Variants in STX11 observed in about 807,000 individuals in gnomAD.
STX11 encodes syntaxin 11.
In STX11, 21 loss-of-function variants were observed where a neutral mutation model predicts 19.9. The observed-to-expected ratio is 1.06, with a 90% CI of 0.75 to 1.52. STX11 has a LOEUF of 1.52. Among genes scored for constraint, STX11 ranks in the 40% most tolerant of loss-of-function variants. STX11 has a pLI of 0.00. For synonymous variants in STX11, 193 were observed against 174.4 expected (o/e 1.11, Z -0.84); for missense variants, 438 against 405.9 (o/e 1.08, Z -0.68).
At chr6:144,142,045 G>T in the STX11 span, among the ~76,000 whole-genome samples, 4 of 151,302 alleles carry the variant, frequency 2.6e-5, no homozygotes, top group African/African-American at 9.7e-5. Flanking sequence ...TTTTTGTGTT[G>T]CACACTAGTA....
intron 1 of STX11, among the ~76,000 whole-genome samples, chr6:144,156,715 A>T (rs1438482625): frequency 2.0e-5 from 3 of 152,198 alleles, no homozygotes; most frequent in African/African-American, 7.2e-5. Context: ...ATTTGAGATA[A>T]GTAGGACATA....
chr6:144,187,614 G>C lies in STX11; in HGVS notation c.*123G>C, dbSNP rs531277188. The C allele has an allele frequency of 5.1e-5, 63 of 1,231,046 alleles. No homozygotes were observed. Among genetic ancestry groups the C allele is most frequent in the East Asian group, 5.6e-5 (2 of 35,942 alleles). The allele number at this position is 1,231,046 out of a possible 1,614,324, so 76.3% of individuals were successfully genotyped here. On this transcript the variant is annotated 3_prime_UTR_variant, in exon 2 of 2. Transcript: ENST00000367568. The surrounding 1 kb of genome is among the most constrained non-coding windows in gnomAD (Gnocchi z 5.6). ...AACCCTTTCCGGAACTCAGTCTTTA[G>C]AAAAGAAACGCCAGGTTCAAGAATT...
Position 144,176,313 on chromosome 6 carries a change from C to A in STX11, c.-5-10310C>A, listed in dbSNP as rs1372902638. Among the ~76,000 whole-genome samples the A allele has an allele frequency of 6.6e-6, 1 of 152,140 alleles. No homozygotes were observed. The highest frequency in any genetic ancestry group is 1.5e-5 in the Non-Finnish European group (1 of 68,028). Reference sequence around the variant, plus strand: ...CCTGGACAGATGTGAGTTTAAATCCCAGACTTCTCTCTTACTCACTGGGTG... The same window carrying A: ...CCTGGACAGATGTGAGTTTAAATCCAAGACTTCTCTCTTACTCACTGGGTG... On this transcript the variant is annotated intron_variant, in intron 1 of 1. Coordinates refer to ENST00000367568, the MANE Select transcript of STX11 (RefSeq NM_003764.4). The surrounding 1 kb of genome is among the most constrained non-coding windows in gnomAD (Gnocchi z 4.1).
rs1489938066 is a variant in STX11, at chr6:144,155,415, T to A, written c.-6+4712T>A. 6.6e-6 allele frequency among the ~76,000 whole-genome samples: 1 copy of A among 152,192 alleles called. No homozygotes were observed. On this transcript the variant is annotated intron_variant, in intron 1 of 1. Transcript: ENST00000367568. The surrounding 1 kb of genome is among the most constrained non-coding windows in gnomAD (Gnocchi z 4.5). ...ATAGTTTCTCCACACATGCATTGAATGTTTTGTTCAGCATTTCTTCAGATT... is the reference window on the plus strand; with the variant it reads ...ATAGTTTCTCCACACATGCATTGAAAGTTTTGTTCAGCATTTCTTCAGATT...
At chr6:144,181,568 C>T (rs1270384793) in intron 1 of STX11, among the ~76,000 whole-genome samples, 1 of 133,664 alleles carries the variant, frequency 7.5e-6, no homozygotes, top group African/African-American at 2.9e-5. Context: ...GCACTCCAGC[C>T]TGGGCAACAG....
chr6:144,163,025 A>C (rs1466514500), intron 1 of STX11, among the ~76,000 whole-genome samples: 3 of 152,214 alleles, frequency 2.0e-5, no homozygotes, highest in Admixed American at 2.0e-4. Context: ...TTTAAACACT[A>C]AGCTATTCTT....
At chr6:144,146,044 A>G (rs1800867830), upstream of STX11, among the ~76,000 whole-genome samples, 1 of 152,246 alleles carries the variant, frequency 6.6e-6, no homozygotes. This position sits in a 1 kb window ranked among gnomAD's most constrained non-coding sequence, Gnocchi z 4.4. Context: ...GAAAAAGAGA[A>G]ATGGTAGTTG....
rs574122236 is a variant in STX11 at position 144,159,215 on chromosome 6, G to A, written c.-6+8512G>A. On this transcript the variant is annotated intron_variant, in intron 1 of 1. Transcript: ENST00000367568. The surrounding 1 kb of genome is among the most constrained non-coding windows in gnomAD (Gnocchi z 4.3). ...TTTCCTATATGCCGGGTGCTCTGGA[G>A]TAAATGGTGCAGACACAACAGGTAC... Among the ~76,000 whole-genome samples the A allele has an allele frequency of 1.3e-5, 2 of 152,270 alleles. No homozygotes were observed. The highest frequency in any genetic ancestry group is 2.4e-5 in the African/African-American group (1 of 41,544).
chr6:144,142,190 C>T, the STX11 span, among the ~76,000 whole-genome samples: 18 of 151,688 alleles, frequency 1.2e-4, no homozygotes, highest in Admixed American at 2.0e-4. Context: ...AAATAATATA[C>T]GACGATGTGA....
rs1457263706 is a variant in STX11, at chr6:144,188,787, C to T, written c.*1296C>T. ...TGTTGCCCAGGCTGGAGTGCAGTGG[C>T]AGGATCTTGGCTCATTGCAACCTCT... On this transcript the variant is annotated 3_prime_UTR_variant, in exon 2 of 2. Coordinates refer to ENST00000367568, the MANE Select transcript of STX11 (RefSeq NM_003764.4). Among the ~76,000 whole-genome samples, 1 of 135,560 alleles carries T rather than the reference C, an allele frequency of 7.4e-6. No homozygotes were observed. Among genetic ancestry groups the T allele is most frequent in the African/African-American group, 2.9e-5 (1 of 34,452 alleles). 88.9% of individuals were successfully genotyped at this position (135,560 alleles called of 152,430 possible).
intron 1 of STX11, among the ~76,000 whole-genome samples, chr6:144,166,120 C>T (rs73778551): frequency 3.0e-4 from 45 of 152,302 alleles, no homozygotes; most frequent in African/African-American, 1.1e-3. Flanking sequence ...CTTTTCACTG[C>T]GTGTTCTTGA....
In STX11 at chr6:144,152,294, A is replaced by T. The variant is rs1801026460; in HGVS notation, c.-6+1591A>T. Among the ~76,000 whole-genome samples, 2 of 152,148 alleles carry T rather than the reference A, an allele frequency of 1.3e-5. No individual in the cohort carries two copies. Among genetic ancestry groups the T allele is most frequent in the Admixed American group, 6.5e-5 (1 of 15,270 alleles). On this transcript the variant is annotated intron_variant, in intron 1 of 1. Transcript: ENST00000367568. This position sits in a 1 kb window ranked among gnomAD's most constrained non-coding sequence, Gnocchi z 4.9. Reference sequence around the variant, plus strand: ...ATATAATGAGATAGGTGCTAGGGTAAATCTATACCCAGAGAAAAGTTTCTG... The same window carrying T: ...ATATAATGAGATAGGTGCTAGGGTATATCTATACCCAGAGAAAAGTTTCTG...
chr6:144,143,419 T>C, the STX11 span, among the ~76,000 whole-genome samples: 124 of 152,126 alleles, frequency 8.2e-4, no homozygotes, highest in African/African-American at 2.9e-3. Context: ...AAATAAGGGG[T>C]CTATTATAAA....
At chr6:144,173,164 GAGGCC>G (rs1801686775) in intron 1 of STX11, among the ~76,000 whole-genome samples, 1 of 152,216 alleles carries the variant, frequency 6.6e-6, no homozygotes, top group Non-Finnish European at 1.5e-5. Context: ...TGGGGACCCA[GAGGCC>G]TCTTTTCCTT....
chr6:144,175,494 A>G lies in STX11; in HGVS notation c.-5-11129A>G, dbSNP rs951209579. On this transcript the variant is annotated intron_variant, in intron 1 of 1. Transcript: ENST00000367568. The surrounding 1 kb of genome is among the most constrained non-coding windows in gnomAD (Gnocchi z 5.1). The stretch of plus-strand genomic sequence containing the variant: ...GCTGATTTTTGTATTTTCAGTAGAG[A>G]TGGGGTTTCACCATGTTGACCAGGC... 6.6e-6 allele frequency among the ~76,000 whole-genome samples: 1 copy of G among 152,012 alleles called. No individual in the cohort carries two copies. The highest frequency in any genetic ancestry group is 1.5e-5 in the Non-Finnish European group (1 of 68,006).
chr6:144,140,260 T>A, the STX11 span, among the ~76,000 whole-genome samples: 524 of 35,470 alleles, frequency 0.015, no homozygotes, highest in East Asian at 0.019. Context: ...ATATATTTAT[T>A]TATTTATTTT....
rs1801923556 is a variant in STX11 at position 144,182,006 on chromosome 6, G to A, written c.-5-4617G>A. On this transcript the variant is annotated intron_variant, in intron 1 of 1. Coordinates refer to ENST00000367568, the MANE Select transcript of STX11 (RefSeq NM_003764.4). The surrounding 1 kb of genome is among the most constrained non-coding windows in gnomAD (Gnocchi z 4.8). ...TTCACCTCCATGCAAATTGAAGCAG[G>A]ACTTATTTTTAGCAACTTGATGAAT... Among the ~76,000 whole-genome samples, 1 of 152,104 alleles carries A rather than the reference G, an allele frequency of 6.6e-6. No individual in the cohort carries two copies. The highest frequency in any genetic ancestry group is 1.5e-5 in the Non-Finnish European group (1 of 68,018).
chr6:144,150,125 C>A (rs933183267), upstream of STX11, among the ~76,000 whole-genome samples: 2 of 152,328 alleles, frequency 1.3e-5, no homozygotes, highest in Non-Finnish European at 2.9e-5. Context: ...GCTTCCGCAG[C>A]CACACCCACG....
Position 144,150,643 on chromosome 6 carries a change from A to G in STX11, c.-66A>G, listed in dbSNP as rs1443817389. 4.1e-6 allele frequency: 4 copies of G among 984,678 alleles called. No individual in the cohort carries two copies. The highest frequency in any genetic ancestry group is 1.1e-4 in the East Asian group (1 of 8,738). The allele number at this position is 984,678 out of a possible 1,614,324, so 61.0% of individuals were successfully genotyped here. A position where few individuals can be genotyped will look rare whatever the true frequency, so the allele number is the denominator to read the frequency against. On this transcript the variant is annotated 5_prime_UTR_variant, in exon 1 of 2. Transcript: ENST00000367568. ...TTTCCTTCTCCATCGCTGCGCCCAC[A>G]GGGGACGCGCGCCCTGCCGGGAGAG...
Sources: allele counts gnomAD v4.1 joint callset (sites outside exome capture counted in the v4.1 genomes callset), GRCh38; gene constraint gnomAD v4.1.1; non-coding constraint Gnocchi (gnomAD v3.1); transcripts MANE v1.5; gene names NCBI Gene and HGNC (gene_info 2026-07-23, HGNC 2026-07-21).